Variants in MSH3 observed in about 807,000 individuals in gnomAD.
MSH3 encodes mutS homolog 3.
Under a neutral mutation model 123.3 loss-of-function variants are expected in MSH3, and 106 were observed. The observed-to-expected ratio is 0.86, with a 90% CI of 0.73 to 1.01. MSH3 has a LOEUF of 1.01. MSH3 is among the 50% of genes least tolerant of loss of function. The pLI, the probability that MSH3 is intolerant of heterozygous loss-of-function variation, is 0.00. For missense variants in MSH3, 1,459 were observed against 1,347.6 expected, an observed-to-expected ratio of 1.08 and a Z score of -1.29; for synonymous variants, 515 against 481.4, an observed-to-expected ratio of 1.07 and a Z score of -0.91.
intron 13 of MSH3, among the ~76,000 whole-genome samples, chr5:80,763,830 T>G (rs1202860738): frequency 6.6e-6 from 1 of 152,246 alleles, no homozygotes; most frequent in Non-Finnish European, 1.5e-5. Flanking sequence ...AAAACTCTAG[T>G]AAAGTCAGAA....
At chr5:80,753,222 G>C (rs1379298961) in intron 12 of MSH3, among the ~76,000 whole-genome samples, 2 of 152,106 alleles carry the variant, frequency 1.3e-5, no homozygotes, top group African/African-American at 2.4e-5. Context: ...AGCACATCTT[G>C]CATTAGAAAG....
At chr5:80,724,706 G>C (rs770894361) in intron 8 of MSH3, among the ~76,000 whole-genome samples, 10 of 152,170 alleles carry the variant, frequency 6.6e-5, no homozygotes, top group Non-Finnish European at 1.3e-4. Context: ...AACAGATTTA[G>C]CAGAAAGTCC....
intron 21 of MSH3, among the ~76,000 whole-genome samples, chr5:80,856,886 T>A (rs904958590): frequency 5.4e-5 from 2 of 36,922 alleles, no homozygotes; most frequent in African/African-American, 2.4e-4. Context: ...TTCTTCCCCA[T>A]CTATTTTTTT....
intron 8 of MSH3, among the ~76,000 whole-genome samples, chr5:80,704,935 TAC>T (rs1750685789): frequency 6.6e-6 from 1 of 152,164 alleles, no homozygotes; most frequent in African/African-American, 2.4e-5. Flanking sequence ...ATGGTCTGGG[TAC>T]AGTCTGGGGC....
rs541221091 is a variant in MSH3, at chr5:80,806,021, T to C, written c.2656-7563T>C. ...TTCAATCCCTGAGGTCTTAAACATA[T>C]TCTCCTATAATTTTTTATAAACATT... On this transcript the variant is annotated intron_variant, in intron 19 of 23. Transcript: ENST00000265081. 9.0e-4 allele frequency among the ~76,000 whole-genome samples: 136 copies of C among 151,718 alleles called. 1 individual carries two copies. The highest frequency in any genetic ancestry group is 3.2e-3 in the African/African-American group (131 of 41,528).
chr5:80,701,453 G>T lies in MSH3; in HGVS notation c.1340+22360G>T, dbSNP rs144100630. Among the ~76,000 whole-genome samples, 41 of 152,318 alleles carry T rather than the reference G, an allele frequency of 2.7e-4. No individual in the cohort carries two copies. The East Asian group carries it at 6.7e-3, about 25-fold the overall frequency. On this transcript the variant is annotated intron_variant, in intron 8 of 23. Transcript: ENST00000265081. ...CCCTAACCCTGTTTGATACTGGTGA[G>T]TTCACCTGCTATCATTAAGGTGTAA... is the stretch of plus-strand genomic sequence containing the variant.
chr5:80,768,334 A>G (rs1451917258), intron 14 of MSH3, among the ~76,000 whole-genome samples: 4 of 152,170 alleles, frequency 2.6e-5, no homozygotes, highest in Admixed American at 1.3e-4. Context: ...TAGGACAGAT[A>G]TAGTACTCCC....
At chr5:80,730,308 A>T (rs191059399) in intron 10 of MSH3, among the ~76,000 whole-genome samples, 1 of 152,206 alleles carries the variant, frequency 6.6e-6, no homozygotes, top group Admixed American at 6.5e-5. Flanking sequence ...AGTTAGAAAC[A>T]TGTGAAATCG....
rs1580550073 is a variant in MSH3 at position 80,670,098 on chromosome 5, A to G, written c.581A>G (p.Asp194Gly). Residue 194 changes from aspartate to glycine, a missense_variant and splice_region_variant, in exon 4 of 24, where the codon GAC becomes GGC. Transcript: ENST00000265081. ...EDSKRQINQK[D>G]TTLFDLSQFG... ...CTTTATACATCTTTTGGTTGCCAGG[A>G]CACAACACTTTTTGATCTCAGTCAG... The G allele has an allele frequency of 6.2e-7, 1 of 1,614,026 alleles. No homozygotes were observed. Among genetic ancestry groups the G allele is most frequent in the Non-Finnish European group, 8.5e-7 (1 of 1,179,936 alleles).
chr5:80,747,481 C>T (rs1490159754), intron 12 of MSH3, among the ~76,000 whole-genome samples: 3 of 152,232 alleles, frequency 2.0e-5, no homozygotes, highest in East Asian at 1.9e-4. Context: ...AACAAACACA[C>T]GAACCTTTTC....
intron 17 of MSH3, among the ~76,000 whole-genome samples, chr5:80,780,287 T>C (rs546322589): frequency 1.3e-5 from 2 of 152,304 alleles, no homozygotes; most frequent in Non-Finnish European, 2.9e-5. Context: ...ATGTACACAG[T>C]TGATTTTCAT....
chr5:80,796,904 G>A (rs1280374767), intron 19 of MSH3, among the ~76,000 whole-genome samples: 1 of 152,050 alleles, frequency 6.6e-6, no homozygotes, highest in African/African-American at 2.4e-5. Context: ...AGGGCTTCTG[G>A]AACGTGCCAT....
intron 19 of MSH3, among the ~76,000 whole-genome samples, chr5:80,797,105 G>C (rs1580055920): frequency 1.6e-5 from 2 of 125,870 alleles, no homozygotes; most frequent in South Asian, 5.6e-4. Context: ...CGACTCCCCA[G>C]CTCTGGCTTG....
chr5:80,856,274 T>C (rs1378427015), intron 21 of MSH3, among the ~76,000 whole-genome samples: 1 of 152,106 alleles, frequency 6.6e-6, no homozygotes, highest in African/African-American at 2.4e-5. Context: ...TAGGTAATTA[T>C]AACATTTTGT....
At position 80,741,518 on chromosome 5, in the gene MSH3, A is replaced by AT. The variant is rs775863622; in HGVS notation, c.1625dup (p.Leu542PhefsTer12). The AT allele has an allele frequency of 2.5e-6, 4 of 1,609,168 alleles. No homozygotes were observed. In the African/African-American group the frequency reaches 5.3e-5, roughly 21 times the overall value. On this transcript the variant is annotated frameshift_variant, in exon 11 of 24. Coordinates refer to ENST00000265081, the MANE Select transcript of MSH3 (RefSeq NM_002439.5). LOFTEE classifies it high-confidence loss of function. ...AATTTATGACAATTAATGGAACAAC[A>AT]TTAAGGAATCTGGAAATCCTACAGA...
At chr5:80,775,332 T>C (rs902544253) in intron 15 of MSH3, among the ~76,000 whole-genome samples, 5 of 152,142 alleles carry the variant, frequency 3.3e-5, no homozygotes, top group Non-Finnish European at 7.4e-5. Context: ...ATTTTAAAAT[T>C]TTATATACTT....
intron 8 of MSH3, among the ~76,000 whole-genome samples, chr5:80,705,983 CA>C (rs1374335104): frequency 6.6e-6 from 1 of 152,186 alleles, no homozygotes; most frequent in Non-Finnish European, 1.5e-5. Context: ...AGGGCGAGGA[CA>C]TTCTTTTCCA....
chr5:80,854,259 G>A lies in MSH3; in HGVS notation c.2943G>A (p.Thr981=), dbSNP rs767112749. The part of the protein sequence containing the change: ...LVILDELGRG[T]STHDGIAIAY... ...TCTTGGATGAACTAGGAAGAGGGAC[G>A]AGCACTCATGATGGAATTGCCATTG... The change falls in exon 21 of 24, where the codon ACG becomes ACA. Residue 981 remains threonine, a synonymous_variant. Transcript: ENST00000265081. 1.2e-6 allele frequency: 2 copies of A among 1,613,928 alleles called. No individual in the cohort carries two copies. The highest frequency in any genetic ancestry group is 1.7e-6 in the Non-Finnish European group (2 of 1,179,908).
chr5:80,725,662 T>C (rs1381351005), intron 9 of MSH3, 97 bp downstream of exon 9: 1 of 834,690 alleles, frequency 1.2e-6, no homozygotes, highest in South Asian at 1.4e-5. Context: ...TAGGTAGTTA[T>C]TATAAATATG....
Sources: gnomAD v4.1 joint callset for allele counts (sites outside exome capture counted in the v4.1 genomes callset) on GRCh38, gnomAD v4.1.1 for gene constraint, MANE v1.5 for transcripts, NCBI Gene and HGNC (gene_info 2026-07-23, HGNC 2026-07-21) for gene names.